METTL2B: variants seen among roughly 807,000 people sequenced by gnomAD.
The protein encoded by METTL2B is methyltransferase 2B, tRNA N3-cytidine, also known as tRNA N(3)-cytidine methyltransferase METTL2B.
METTL2B carries 28 observed loss-of-function variants against 51.0 expected under a neutral mutation model. The ratio of observed to expected loss-of-function variants is 0.55; its 90% CI spans 0.41 to 0.75. METTL2B has a LOEUF of 0.75. Ranked by LOEUF, METTL2B falls within the 30% of genes least tolerant of loss-of-function variation. METTL2B has a pLI of 0.00. For missense variants in METTL2B, 313 were observed against 460.7 expected, an observed-to-expected ratio of 0.68 and a Z score of 2.93; for synonymous variants, 128 against 166.3, an observed-to-expected ratio of 0.77 and a Z score of 1.77.
At chr7:128,498,704 A>T (rs1454543481) in intron 7 of METTL2B, among the ~76,000 whole-genome samples, 1 of 152,170 alleles carries the variant, frequency 6.6e-6, no homozygotes, top group South Asian at 2.1e-4. Flanking sequence ...TATTAGAAAG[A>T]CATTTGAAAG....
chr7:128,494,000 C>G, intron 6 of METTL2B, 57 bp downstream of exon 6: 5 of 1,557,828 alleles, frequency 3.2e-6, no homozygotes, highest in South Asian at 2.4e-5. Flanking sequence ...GGTGAGGGAC[C>G]TTTTTTTTTA....
chr7:128,484,232 T>TTTTTTTTTGTTTTTTTTTTTTG (rs1554428849), intron 4 of METTL2B: 2 of 83,558 alleles, frequency 2.4e-5, no homozygotes, highest in African/African-American at 1.0e-4. Context: ...TTTTTTTTTT[T>TTTTTTTTTGTTTTTTTTTTTTG]TTTTTTTTTT....
At position 128,494,827 on chromosome 7, in the gene METTL2B, C is replaced by T. The variant is rs536601227; in HGVS notation, c.809+884C>T. ...ATTTTTAGTAGATACGGGGTTTCACCATGTTGGCCAGGCTGGTCTTAACTC... is the reference window on the plus strand; with the variant it reads ...ATTTTTAGTAGATACGGGGTTTCACTATGTTGGCCAGGCTGGTCTTAACTC... On this transcript the variant is annotated intron_variant, in intron 6 of 8. Coordinates refer to ENST00000262432, the MANE Select transcript of METTL2B (RefSeq NM_018396.3). Among the ~76,000 whole-genome samples the T allele has an allele frequency of 8.7e-5, 13 of 150,184 alleles. 1 individual carries two copies. In the East Asian group the frequency reaches 1.6e-3, roughly 18 times the overall value.
intron 5 of METTL2B, among the ~76,000 whole-genome samples, chr7:128,492,519 T>G (rs986177319): frequency 1.3e-5 from 2 of 151,954 alleles, no homozygotes; most frequent in Non-Finnish European, 1.5e-5. Context: ...TGGGCTCAAG[T>G]GATCCTCCTG....
chr7:128,488,362 A>T (rs1457616276), intron 5 of METTL2B: 2 of 862,052 alleles, frequency 2.3e-6, no homozygotes, highest in Non-Finnish European at 3.8e-6. Flanking sequence ...ATCTGTTCAT[A>T]TATTGAAAGT....
At chr7:128,493,613 G>A (rs185850831) in intron 5 of METTL2B, among the ~76,000 whole-genome samples, 191 bp from the exon 6 acceptor site, 8 of 152,168 alleles carry the variant, frequency 5.3e-5, no homozygotes, top group East Asian at 3.9e-4. Context: ...TGATCCTATC[G>A]CGTGAACCCA....
intron 2 of METTL2B, among the ~76,000 whole-genome samples, chr7:128,478,328 G>T (rs1238275482): frequency 4.0e-5 from 6 of 149,778 alleles, no homozygotes; most frequent in Non-Finnish European, 7.4e-5. Context: ...TCAGCTCACT[G>T]CAATCTCCTC....
chr7:128,505,798 A>G lies in METTL2B; in HGVS notation c.*3882A>G, dbSNP rs183830526. 145 of 152,184 alleles carry G rather than the reference A, an allele frequency of 9.5e-4. No individual in the cohort carries two copies. The highest frequency in any genetic ancestry group is 3.3e-3 in the African/African-American group (139 of 41,530). The allele number at this position is 152,184 out of a possible 1,614,324, so 9.4% of individuals were successfully genotyped here. The stretch of plus-strand genomic sequence containing the variant: ...TCTCATATCTGATTTACTTGTCTCA[A>G]TATGGACCCATGGGTATTTGAGTTT... On this transcript the variant is annotated 3_prime_UTR_variant, in exon 9 of 9. Transcript: ENST00000262432.
chr7:128,477,919 A>G (rs1365063433), intron 2 of METTL2B: 8 of 443,172 alleles, frequency 1.8e-5, no homozygotes, highest in Non-Finnish European at 3.7e-5. Context: ...GATTTTGAAA[A>G]TCATGTGGTT....
In METTL2B at chr7:128,502,622, G is replaced by T. The variant is rs1207193712; in HGVS notation, c.*706G>T. On this transcript the variant is annotated 3_prime_UTR_variant, in exon 9 of 9. Coordinates refer to ENST00000262432, the MANE Select transcript of METTL2B (RefSeq NM_018396.3). ...CTTTGCTTTAATCTTAGTTCCGCCA[G>T]GCACGGTGGCTCACACCTGTAATCC... is the stretch of plus-strand genomic sequence containing the variant. 1.1e-5 allele frequency: 5 copies of T among 453,732 alleles called. No individual in the cohort carries two copies. Among genetic ancestry groups the T allele is most frequent in the African/African-American group, 1.0e-4 (5 of 49,902 alleles). 28.1% of individuals were successfully genotyped at this position (453,732 alleles called of 1,614,324 possible). A position where few individuals can be genotyped will look rare whatever the true frequency, so the allele number is the denominator to read the frequency against.
intron 8 of METTL2B, 157 bp from the exon 9 acceptor site, chr7:128,501,605 A>C: frequency 1.0e-6 from 1 of 985,350 alleles, no homozygotes; most frequent in Non-Finnish European, 1.2e-6. Context: ...CTAAACATGA[A>C]CTTGTTGTTA....
Position 128,490,612 on chromosome 7 carries a change from T to A in METTL2B, c.669+2451T>A, listed in dbSNP as rs529450121. Among the ~76,000 whole-genome samples the A allele has an allele frequency of 1.6e-4, 24 of 152,280 alleles. 1 individual carries two copies. The South Asian group carries it at 5.0e-3, about 32-fold the overall frequency. On this transcript the variant is annotated intron_variant, in intron 5 of 8. Transcript: ENST00000262432. ...GTTTTTTCCCTCTTTGCATACCAGTTTTCTCTAGTCAGTATTTCCTAGTTT... is the reference window on the plus strand; with the variant it reads ...GTTTTTTCCCTCTTTGCATACCAGTATTCTCTAGTCAGTATTTCCTAGTTT...
At chr7:128,498,756 T>G (rs1435317577) in intron 7 of METTL2B, among the ~76,000 whole-genome samples, 4 of 152,116 alleles carry the variant, frequency 2.6e-5, no homozygotes, top group Non-Finnish European at 5.9e-5. Context: ...TCCAACACTT[T>G]GGGAGGCCGA....
In METTL2B at chr7:128,479,481, C is replaced by A; in HGVS notation, c.526C>A (p.Pro176Thr). ...SDLEICADEFPGSSATYRILE... is the reference protein window; with the variant it reads ...SDLEICADEFTGSSATYRILE... ...CCTGGAAATTTGTGCTGATGAGTTTCCTGGATCCTCAGCCACCTACCGAAT... is the reference window on the plus strand; with the variant it reads ...CCTGGAAATTTGTGCTGATGAGTTTACTGGATCCTCAGCCACCTACCGAAT... The change falls in exon 3 of 9, where the codon CCT becomes ACT. Residue 176 changes from proline (P) to threonine (T), a missense_variant. Pro to Thr is a conservative substitution (Grantham distance 38). Transcript: ENST00000262432. The A allele has an allele frequency of 6.2e-7, 1 of 1,614,000 alleles. No homozygotes were observed. The highest frequency in any genetic ancestry group is 1.1e-5 in the South Asian group (1 of 91,080).
chr7:128,484,861 G>A (rs547488656), intron 4 of METTL2B, among the ~76,000 whole-genome samples: 4 of 152,132 alleles, frequency 2.6e-5, no homozygotes, highest in Non-Finnish European at 5.9e-5. Context: ...GATTACAGGC[G>A]TGAGCCACCG....
chr7:128,485,227 C>G (rs1406223401), intron 4 of METTL2B, among the ~76,000 whole-genome samples: 1 of 152,108 alleles, frequency 6.6e-6, no homozygotes, highest in Non-Finnish European at 1.5e-5. Context: ...TTCAAGCAAC[C>G]ATGGATTGAA....
At chr7:128,500,810 C>A in intron 7 of METTL2B, 93 bp from the exon 8 acceptor site, 2 of 1,464,606 alleles carry the variant, frequency 1.4e-6, no homozygotes, top group African/African-American at 1.4e-5. Context: ...TGCTCTCCAC[C>A]CAACAAACTG....
At chr7:128,481,193 C>T (rs938677127) in intron 4 of METTL2B, among the ~76,000 whole-genome samples, 13 of 152,234 alleles carry the variant, frequency 8.5e-5, no homozygotes, top group Admixed American at 7.9e-4. Context: ...GTTTTGTGTA[C>T]TTAAGCAGAA....
At chr7:128,487,682 G>T (rs3958070) in intron 4 of METTL2B, among the ~76,000 whole-genome samples, 4 of 152,292 alleles carry the variant, frequency 2.6e-5, no homozygotes, top group African/African-American at 9.6e-5. Context: ...TGTAATCGCC[G>T]CTGTGAAAGC....
Sources: allele counts gnomAD v4.1 joint callset (sites outside exome capture counted in the v4.1 genomes callset), GRCh38; gene constraint gnomAD v4.1.1; transcripts MANE v1.5; gene names NCBI Gene and HGNC (gene_info 2026-07-23, HGNC 2026-07-21).